Variants in TSC22D3 observed in about 807,000 individuals in gnomAD.
TSC22D3 encodes the protein TSC22 domain family member 3.
Under a neutral mutation model 11.1 loss-of-function variants are expected in TSC22D3, and 4 were observed. That is an observed-to-expected ratio of 0.36 (90% CI 0.18 to 0.83). TSC22D3 has a LOEUF of 0.83. Among genes scored for constraint, TSC22D3 ranks in the 40% least tolerant of loss-of-function variants. TSC22D3 has a pLI of 0.48. For missense variants in TSC22D3, 118 were observed against 159.4 expected, an observed-to-expected ratio of 0.74 and a Z score of 1.40; for synonymous variants, 77 against 70.3, an observed-to-expected ratio of 1.10 and a Z score of -0.48.
intron 1 of TSC22D3, among the ~76,000 whole-genome samples, chrX:107,742,285 G>A (rs1333039603): frequency 2.5e-5 from 1 of 40,265 alleles, no homozygotes; most frequent in Non-Finnish European, 4.9e-5. Flanking sequence ...GAGAGAAAGA[G>A]AGAGAGAGAG....
chrX:107,744,353 C>T (rs1024171511), intron 1 of TSC22D3, among the ~76,000 whole-genome samples: 6 of 111,229 alleles, frequency 5.4e-5, no homozygotes, highest in African/African-American at 2.0e-4. Context: ...CGGTGGCTCA[C>T]ACCTGTAATC....
intron 1 of TSC22D3, among the ~76,000 whole-genome samples, chrX:107,769,787 A>T (rs922090245): frequency 9.0e-6 from 1 of 110,564 alleles, no homozygotes; most frequent in Non-Finnish European, 1.9e-5. Flanking sequence ...CTCATTGGTG[A>T]AAGGACCGGC....
intron 1 of TSC22D3, among the ~76,000 whole-genome samples, chrX:107,757,176 C>T (rs1024965294): frequency 7.1e-5 from 8 of 112,640 alleles, no homozygotes; most frequent in African/African-American, 2.6e-4. Flanking sequence ...GCGTGTCCAC[C>T]CTCTGGGAGT....
intron 1 of TSC22D3, among the ~76,000 whole-genome samples, chrX:107,727,411 G>A (rs1232991293): frequency 2.7e-5 from 3 of 112,332 alleles, no homozygotes; most frequent in Non-Finnish European, 3.8e-5. Flanking sequence ...TGCTAGATCC[G>A]CATCCCTGAA....
intron 1 of TSC22D3, chrX:107,717,019 C>G (rs1487744857): frequency 3.0e-6 from 3 of 1,011,742 alleles, no homozygotes; most frequent in Non-Finnish European, 3.8e-6. Context: ...GGGGTGTCAC[C>G]TCGTATGTCA....
intron 1 of TSC22D3, among the ~76,000 whole-genome samples, chrX:107,769,027 A>G (rs1173668922): frequency 8.9e-6 from 1 of 112,766 alleles, no homozygotes; most frequent in Non-Finnish European, 1.9e-5. Flanking sequence ...ATTCTCCTCA[A>G]GGAATGCCCT....
chrX:107,762,608 C>T (rs1439096562), intron 1 of TSC22D3, among the ~76,000 whole-genome samples: 1 of 110,717 alleles, frequency 9.0e-6, no homozygotes, highest in East Asian at 2.8e-4. Flanking sequence ...TCTCTACTGT[C>T]ATCAGCTTCC....
intron 1 of TSC22D3, among the ~76,000 whole-genome samples, chrX:107,773,594 A>G (rs1930003645): frequency 8.9e-6 from 1 of 112,273 alleles, no homozygotes; most frequent in African/African-American, 3.2e-5. Flanking sequence ...TTATTTTATT[A>G]TTTTTAAAAA....
intron 1 of TSC22D3, among the ~76,000 whole-genome samples, chrX:107,756,233 GCC>G (rs1929168774): frequency 9.0e-6 from 1 of 111,677 alleles, no homozygotes; most frequent in African/African-American, 3.3e-5. Context: ...AAGATTTTTT[GCC>G]ATATCTGAGT....
chrX:107,733,501 AT>A (rs1927982434), intron 1 of TSC22D3, among the ~76,000 whole-genome samples: 1 of 110,543 alleles, frequency 9.0e-6, no homozygotes, highest in Non-Finnish European at 1.9e-5. Context: ...CCTTAGCTAC[AT>A]TTGGCCTCCT....
rs1295494936 is a variant in TSC22D3, at chrX:107,713,830, A to G, written c.*689T>C. 1.8e-5 allele frequency: 2 copies of G among 112,886 alleles called. No homozygotes were observed. The highest frequency in any genetic ancestry group is 1.9e-4 in the Admixed American group (2 of 10,702). 9.3% of individuals were successfully genotyped at this position (112,886 alleles called of 1,213,427 possible). On this transcript the variant is annotated 3_prime_UTR_variant, in exon 3 of 3. Coordinates refer to ENST00000372383, the MANE Select transcript of TSC22D3 (RefSeq NM_198057.3). ...AACATGTAGGTGGATGTGTATATGTATACATCGCTACACTAAGATACAGAT... is the reference window on the plus strand; with the variant it reads ...AACATGTAGGTGGATGTGTATATGTGTACATCGCTACACTAAGATACAGAT...
intron 1 of TSC22D3, among the ~76,000 whole-genome samples, chrX:107,723,840 T>C (rs949872799): frequency 8.9e-6 from 1 of 112,254 alleles, no homozygotes. Flanking sequence ...GAGGATCTTG[T>C]TGGGGATGGG....
At chrX:107,746,411 C>G (rs185021690) in intron 1 of TSC22D3, among the ~76,000 whole-genome samples, 1 of 111,327 alleles carries the variant, frequency 9.0e-6, no homozygotes, top group African/African-American at 3.3e-5. Context: ...CAGACAGACA[C>G]ACACACACAG....
At chrX:107,741,071 T>C (rs1928383713) in intron 1 of TSC22D3, among the ~76,000 whole-genome samples, 1 of 110,897 alleles carries the variant, frequency 9.0e-6, no homozygotes, top group Admixed American at 9.5e-5. Context: ...GTGTGGGCTA[T>C]GGTTAGGGAA....
chrX:107,758,503 A>T (rs1234518812), intron 1 of TSC22D3, among the ~76,000 whole-genome samples: 1 of 111,378 alleles, frequency 9.0e-6, no homozygotes, highest in African/African-American at 3.3e-5. Flanking sequence ...TATTTGGGGG[A>T]GAGTAGCTGT....
intron 1 of TSC22D3, among the ~76,000 whole-genome samples, chrX:107,744,795 T>C (rs1928579326): frequency 8.9e-6 from 1 of 111,870 alleles, no homozygotes; most frequent in African/African-American, 3.3e-5. Context: ...TCCTTTATAA[T>C]TGTTCTTGAG....
chrX:107,716,082 G>C, intron 1 of TSC22D3, 132 bp from the exon 2 acceptor site: 1 of 752,200 alleles, frequency 1.3e-6, no homozygotes, highest in Non-Finnish European at 1.9e-6. Context: ...CTGGCCCAGA[G>C]TTCCGGACAG....
intron 1 of TSC22D3, among the ~76,000 whole-genome samples, chrX:107,754,762 G>A (rs1255017436): frequency 8.9e-6 from 1 of 112,546 alleles, no homozygotes; most frequent in Non-Finnish European, 1.9e-5. Flanking sequence ...AAAACAGCTA[G>A]CTTGGGGGTT....
At chrX:107,726,989 G>A (rs190114666) in intron 1 of TSC22D3, among the ~76,000 whole-genome samples, 3 of 111,819 alleles carry the variant, frequency 2.7e-5, no homozygotes, top group Non-Finnish European at 3.8e-5. Flanking sequence ...GGAAACCGAG[G>A]AACAGCCAAG....
Sources: allele counts gnomAD v4.1 joint callset (sites outside exome capture counted in the v4.1 genomes callset), GRCh38; gene constraint gnomAD v4.1.1; transcripts MANE v1.5; gene names NCBI Gene and HGNC (gene_info 2026-07-23, HGNC 2026-07-21).